The following DNAJC24 variants were observed in gnomAD, a reference collection of about 807,000 sequenced individuals.
DNAJC24 encodes dnaJ homolog subfamily C member 24.
A neutral mutation model predicts 18.0 loss-of-function variants in DNAJC24; 17 were observed. That is an observed-to-expected ratio of 0.94 (90% CI 0.65 to 1.42). The LOEUF is 1.42. Ranked by LOEUF, DNAJC24 falls within the 40% of genes most tolerant of loss-of-function variation. The probability of loss-of-function intolerance (pLI) is 0.00; values close to 1 mark genes in which losing one functional copy is unlikely to be tolerated. For missense variants in DNAJC24, 158 were observed against 175.6 expected, an observed-to-expected ratio of 0.90 and a Z score of 0.57; for synonymous variants, 55 against 57.7, an observed-to-expected ratio of 0.95 and a Z score of 0.21.
chr11:31,412,031 C>T (rs929608949), intron 2 of DNAJC24, among the ~76,000 whole-genome samples: 2 of 152,250 alleles, frequency 1.3e-5, no homozygotes, highest in East Asian at 3.9e-4. Flanking sequence ...TCTGAATAGA[C>T]TTAAAGCCTC....
intron 2 of DNAJC24, among the ~76,000 whole-genome samples, chr11:31,393,357 G>C (rs1412996798): frequency 6.6e-6 from 1 of 152,174 alleles, no homozygotes; most frequent in Non-Finnish European, 1.5e-5. Flanking sequence ...CAATAGAGAA[G>C]AGACCAAGAG....
At chr11:31,419,866 C>T (rs1952786593) in intron 3 of DNAJC24, among the ~76,000 whole-genome samples, 1 of 151,864 alleles carries the variant, frequency 6.6e-6, no homozygotes, top group African/African-American at 2.4e-5. Context: ...ATGTTGTTTC[C>T]CCTGTGTGAG....
At chr11:31,416,207 T>TGGGGTGTACC (rs1952750232) in intron 3 of DNAJC24, 1 of 152,198 alleles carries the variant, frequency 6.6e-6, no homozygotes, top group African/African-American at 2.4e-5. Context: ...AGGTTAATTT[T>TGGGGTGTACC]CAAAAATGGC....
chr11:31,386,884 C>A (rs752680741), intron 2 of DNAJC24, among the ~76,000 whole-genome samples: 3 of 151,884 alleles, frequency 2.0e-5, no homozygotes, highest in Non-Finnish European at 2.9e-5. Flanking sequence ...AGGGAGAGAC[C>A]CCGGGCTGGC....
At chr11:31,391,261 A>G (rs1176359242) in intron 2 of DNAJC24, among the ~76,000 whole-genome samples, 4 of 152,162 alleles carry the variant, frequency 2.6e-5, no homozygotes, top group African/African-American at 9.7e-5. Context: ...GAATAGGGAA[A>G]AACTGAAAGG....
At chr11:31,394,635 T>C (rs975735781) in intron 2 of DNAJC24, among the ~76,000 whole-genome samples, 1 of 151,624 alleles carries the variant, frequency 6.6e-6, no homozygotes, top group African/African-American at 2.4e-5. Context: ...AAGAAAAATA[T>C]AAAATAAAAG....
At chr11:31,418,687 A>G (rs1435594424) in intron 3 of DNAJC24, among the ~76,000 whole-genome samples, 1 of 152,098 alleles carries the variant, frequency 6.6e-6, no homozygotes, top group African/African-American at 2.4e-5. Context: ...AACCTTCACT[A>G]TACATAATTG....
chr11:31,420,607 A>G (rs920691971), intron 3 of DNAJC24, among the ~76,000 whole-genome samples: 5 of 152,146 alleles, frequency 3.3e-5, no homozygotes, highest in Non-Finnish European at 7.4e-5. Context: ...AATAACTGTG[A>G]TTTTTATTAA....
At chr11:31,416,954 C>T (rs1952756242) in intron 3 of DNAJC24, 1 of 152,102 alleles carries the variant, frequency 6.6e-6, no homozygotes, top group South Asian at 2.1e-4. Context: ...TCACAGGGTA[C>T]TCCTGTAGGT....
At chr11:31,413,485 C>T (rs1041313661) in intron 2 of DNAJC24, among the ~76,000 whole-genome samples, 4 of 151,868 alleles carry the variant, frequency 2.6e-5, no homozygotes, top group Admixed American at 1.3e-4. Flanking sequence ...CGCCCACCAC[C>T]ACACCTGGCC....
chr11:31,393,364 A>G (rs1952516712), intron 2 of DNAJC24, among the ~76,000 whole-genome samples: 1 of 152,194 alleles, frequency 6.6e-6, no homozygotes, highest in South Asian at 2.1e-4. Context: ...GAAGAGACCA[A>G]GAGCACTCTC....
At chr11:31,426,595 CAT>C (rs1952864302) in intron 4 of DNAJC24, 1 of 343,726 alleles carries the variant, frequency 2.9e-6, no homozygotes, top group Non-Finnish European at 5.2e-6. Context: ...ATGTTAGGAA[CAT>C]AAAGTTTCAT....
At chr11:31,373,236 C>T (rs1952283345) in intron 2 of DNAJC24, among the ~76,000 whole-genome samples, 1 of 134,790 alleles carries the variant, frequency 7.4e-6, no homozygotes, top group Admixed American at 7.6e-5. Context: ...TTTCCATCTT[C>T]TCTAAGGTTA....
chr11:31,376,566 A>C (rs1020343121), intron 2 of DNAJC24, among the ~76,000 whole-genome samples: 2 of 152,148 alleles, frequency 1.3e-5, no homozygotes, highest in East Asian at 1.9e-4. Context: ...TGTTACCCCT[A>C]TGTTTGTACT....
rs748594924 is a variant in DNAJC24 at position 31,414,854 on chromosome 11, T to C, written c.155T>C (p.Val52Ala). ...AGTACAGATGTACCAGCAGGAACAG[T>C]GGAGGAATGTGTACAGAAGTTCATC... ...KQSTDVPAGT[V>A]EECVQKFIEI... Residue 52 changes from valine (V) to alanine (A), a missense_variant, in exon 3 of 5, where the codon GTG (valine) becomes GCG (alanine). Coordinates refer to ENST00000465995, the MANE Select transcript of DNAJC24 (RefSeq NM_181706.5). The C allele has an allele frequency of 1.9e-6, 3 of 1,613,856 alleles. No individual in the cohort carries two copies. In the African/African-American group the frequency reaches 4.0e-5, roughly 22 times the overall value.
intron 2 of DNAJC24, among the ~76,000 whole-genome samples, chr11:31,393,536 G>A (rs981531671): frequency 6.6e-5 from 10 of 152,188 alleles, no homozygotes; most frequent in Middle Eastern, 3.4e-3. Context: ...ATTAGAAAAG[G>A]GCAAGTTCAG....
At chr11:31,399,980 C>A (rs1348053932) in intron 2 of DNAJC24, among the ~76,000 whole-genome samples, 2 of 151,972 alleles carry the variant, frequency 1.3e-5, no homozygotes, top group African/African-American at 4.8e-5. Flanking sequence ...TCTCATTGTT[C>A]AGCTCCCACT....
At chr11:31,375,456 AT>A (rs1011824685) in intron 2 of DNAJC24, among the ~76,000 whole-genome samples, 1 of 134,882 alleles carries the variant, frequency 7.4e-6, no homozygotes, top group African/African-American at 2.5e-5. Flanking sequence ...AAAGGTTGAA[AT>A]TTTTTCTTCT....
intron 2 of DNAJC24, among the ~76,000 whole-genome samples, chr11:31,409,779 G>A (rs1373166118): frequency 6.6e-6 from 1 of 151,864 alleles, no homozygotes. Context: ...AAATGTATAT[G>A]TAACTTTATA....
Sources: allele counts gnomAD v4.1 joint callset (sites outside exome capture counted in the v4.1 genomes callset), GRCh38; gene constraint gnomAD v4.1.1; transcripts MANE v1.5; gene names NCBI Gene and HGNC (gene_info 2026-07-23, HGNC 2026-07-21).